The following NDFIP2 variants were observed in gnomAD, a reference collection of about 807,000 sequenced individuals.
NDFIP2 encodes NEDD4 family-interacting protein 2.
In NDFIP2, 19 loss-of-function variants were observed where a neutral mutation model predicts 36.0. The ratio of observed to expected loss-of-function variants is 0.53; its 90% CI spans 0.37 to 0.77. The LOEUF is 0.77. NDFIP2 is among the 30% of genes least tolerant of loss of function. NDFIP2 has a pLI of 0.00. For synonymous variants in NDFIP2, 181 were observed against 167.7 expected, an observed-to-expected ratio of 1.08 and a Z score of -0.61; for missense variants, 446 against 435.8, an observed-to-expected ratio of 1.02 and a Z score of -0.21.
intron 1 of NDFIP2, among the ~76,000 whole-genome samples, chr13:79,482,011 G>T (rs577911623): frequency 6.6e-6 from 1 of 152,196 alleles, no homozygotes; most frequent in Admixed American, 6.5e-5. Flanking sequence ...TGGCAAAAAT[G>T]TGGGTTAGGA....
At position 79,505,676 on chromosome 13, in the gene NDFIP2, G is replaced by T. The variant is rs530508078; in HGVS notation, c.322-15134G>T. 1.0e-3 allele frequency among the ~76,000 whole-genome samples: 156 copies of T among 150,658 alleles called. 1 individual carries two copies. The highest frequency in any genetic ancestry group is 1.5e-3 in the South Asian group (7 of 4,794). ...CCAAAAAGCTCCCAAAGAATAGGTA[G>T]TATTGCTGTGAAAATAGAATACCAT... On this transcript the variant is annotated intron_variant, in intron 1 of 7. Transcript: ENST00000218652.
intron 2 of NDFIP2, among the ~76,000 whole-genome samples, chr13:79,532,768 T>G (rs973587197): frequency 6.6e-6 from 1 of 152,198 alleles, no homozygotes; most frequent in African/African-American, 2.4e-5. Context: ...CCTTGTATGT[T>G]ATCGGAGCAA....
At chr13:79,512,046 T>C (rs1180393464) in intron 1 of NDFIP2, among the ~76,000 whole-genome samples, 1 of 152,258 alleles carries the variant, frequency 6.6e-6, no homozygotes, top group African/African-American at 2.4e-5. Context: ...TTTAGAATTA[T>C]GCATATATTC....
intron 1 of NDFIP2, among the ~76,000 whole-genome samples, chr13:79,493,941 C>T (rs74098277): frequency 0.012 from 1,855 of 152,044 alleles, 35 homozygotes; most frequent in African/African-American, 0.04. Context: ...CACCAAAAGA[C>T]GAATAATTAA....
intron 2 of NDFIP2, among the ~76,000 whole-genome samples, chr13:79,531,445 CCT>C (rs1343334636): frequency 6.6e-6 from 1 of 152,176 alleles, no homozygotes. Context: ...GGAATTGACT[CCT>C]CTCTAGCTAT....
At chr13:79,512,180 A>G (rs1316714548) in intron 1 of NDFIP2, among the ~76,000 whole-genome samples, 1 of 152,204 alleles carries the variant, frequency 6.6e-6, no homozygotes, top group Non-Finnish European at 1.5e-5. Flanking sequence ...GATTAAGGCA[A>G]CAAAACCTTT....
At chr13:79,520,462 C>T (rs907588037) in intron 1 of NDFIP2, among the ~76,000 whole-genome samples, 1 of 152,162 alleles carries the variant, frequency 6.6e-6, no homozygotes, top group Non-Finnish European at 1.5e-5. Flanking sequence ...TTTAAAATTA[C>T]AGTAGGCCCC....
chr13:79,526,414 A>G (rs762442511), intron 2 of NDFIP2, among the ~76,000 whole-genome samples: 17 of 152,218 alleles, frequency 1.1e-4, no homozygotes, highest in Admixed American at 1.3e-4. Context: ...TCAACTGTGT[A>G]TAGTTGGTAG....
intron 1 of NDFIP2, among the ~76,000 whole-genome samples, chr13:79,498,007 G>A (rs1196627743): frequency 6.6e-6 from 1 of 151,546 alleles, no homozygotes; most frequent in East Asian, 1.9e-4. Context: ...AGAAGTGGGT[G>A]GATGGATTCA....
chr13:79,502,848 C>T lies in NDFIP2; in HGVS notation c.322-17962C>T, dbSNP rs565035476. ...AAAGAAGGGAGCTATGGAAATAGTT[C>T]AAAAAGCAGAAGAAAAAGTATTTAT... On this transcript the variant is annotated intron_variant, in intron 1 of 7. Transcript: ENST00000218652. Among the ~76,000 whole-genome samples, 7 of 148,332 alleles carry T rather than the reference C, an allele frequency of 4.7e-5. No homozygotes were observed. In the East Asian group the frequency reaches 9.8e-4, roughly 21 times the overall value.
rs113533063 is a variant in NDFIP2, at chr13:79,500,788, A to ATCCAGTAG, written c.321+19275_321+19282dup. On this transcript the variant is annotated intron_variant, in intron 1 of 7. Coordinates refer to ENST00000218652, the MANE Select transcript of NDFIP2 (RefSeq NM_019080.3). Reference sequence around the variant, plus strand: ...AAGCTAAACATACTCTTACCATACTATCCAGTAGTCCAGTAGTCATGCTTC... The same window carrying ATCCAGTAG: ...AAGCTAAACATACTCTTACCATACTATCCAGTAGTCCAGTAGTCCAGTAGTCATGCTTC... Among the ~76,000 whole-genome samples the ATCCAGTAG allele has an allele frequency of 5.9e-5, 9 of 152,142 alleles. 2 individuals are homozygous for ATCCAGTAG. The highest frequency in any genetic ancestry group is 2.2e-4 in the African/African-American group (9 of 41,550).
intron 7 of NDFIP2, among the ~76,000 whole-genome samples, chr13:79,551,602 A>G (rs928672380): frequency 6.6e-6 from 1 of 151,538 alleles, no homozygotes; most frequent in Non-Finnish European, 1.5e-5. Context: ...TGGATTAAGG[A>G]ATAAAAGTCA....
intron 1 of NDFIP2, among the ~76,000 whole-genome samples, chr13:79,518,814 C>T (rs1295197718): frequency 1.3e-5 from 2 of 151,930 alleles, no homozygotes; most frequent in Admixed American, 6.6e-5. Flanking sequence ...TTCTTTCTTT[C>T]TTTTTTCTTT....
At chr13:79,495,960 G>T (rs1214411884) in intron 1 of NDFIP2, among the ~76,000 whole-genome samples, 4 of 151,546 alleles carry the variant, frequency 2.6e-5, no homozygotes, top group African/African-American at 9.7e-5. Flanking sequence ...TAACCACAAA[G>T]GTCCATTTAC....
chr13:79,487,594 T>C (rs553124428), intron 1 of NDFIP2, among the ~76,000 whole-genome samples: 47 of 152,260 alleles, frequency 3.1e-4, no homozygotes, highest in African/African-American at 1.1e-3. Context: ...AGGTGTATGT[T>C]TCAATTTTAT....
chr13:79,530,914 C>G (rs941453116), intron 2 of NDFIP2, among the ~76,000 whole-genome samples: 7 of 152,168 alleles, frequency 4.6e-5, no homozygotes, highest in Non-Finnish European at 1.0e-4. Flanking sequence ...TCCCATGATC[C>G]TGAATGTTTT....
In NDFIP2 at chr13:79,553,420, GATATT is replaced by G. The variant is rs1264136864; in HGVS notation, c.*913_*917del. 2 of 151,252 alleles carry G rather than the reference GATATT, an allele frequency of 1.3e-5. No homozygotes were observed. Among genetic ancestry groups the G allele is most frequent in the East Asian group, 1.9e-4 (1 of 5,196 alleles). The allele number at this position is 151,252 out of a possible 1,614,324, so 9.4% of individuals were successfully genotyped here. ...GATCTTGCAGGAAGAGATTGTATTA[GATATT>G]ATATTTATTTCATTTAAGATAATTT... is the stretch of plus-strand genomic sequence containing the variant. On this transcript the variant is annotated 3_prime_UTR_variant, in exon 8 of 8. Transcript: ENST00000218652.
At chr13:79,509,093 CAATT>C (rs1230935695) in intron 1 of NDFIP2, among the ~76,000 whole-genome samples, 1 of 152,024 alleles carries the variant, frequency 6.6e-6, no homozygotes, top group South Asian at 2.1e-4. Context: ...AAACAGGTCT[CAATT>C]AATTTAGGAA....
chr13:79,522,890 T>C (rs578199107), intron 2 of NDFIP2, among the ~76,000 whole-genome samples: 3 of 152,340 alleles, frequency 2.0e-5, no homozygotes, highest in Non-Finnish European at 4.4e-5. Context: ...AGTTTAGTCC[T>C]TATTCAAGAG....
Sources: allele counts gnomAD v4.1 joint callset (sites outside exome capture counted in the v4.1 genomes callset), GRCh38; gene constraint gnomAD v4.1.1; transcripts MANE v1.5; gene names NCBI Gene and HGNC (gene_info 2026-07-23, HGNC 2026-07-21).